The following SCHIP1 variants were observed in gnomAD, a reference collection of about 807,000 sequenced individuals.
SCHIP1 encodes the protein schwannomin interacting protein 1, also known as schwannomin-interacting protein 1.
In SCHIP1, 8 loss-of-function variants were observed where a neutral mutation model predicts 29.7. The observed-to-expected ratio is 0.27, with a 90% CI of 0.16 to 0.49. The LOEUF (loss-of-function observed/expected upper bound fraction) is 0.49. SCHIP1 is among the 20% of genes least tolerant of loss of function. The probability of loss-of-function intolerance (pLI) is 0.99; values close to 1 mark genes in which losing one functional copy is unlikely to be tolerated. For missense variants in SCHIP1, 193 were observed against 294.6 expected (o/e 0.66, Z 2.52); for synonymous variants, 76 against 94.9 (o/e 0.80, Z 1.16).
At chr3:159,274,981 T>G in the SCHIP1 span, 1 of 983,298 alleles carries the variant, frequency 1.0e-6, no homozygotes, top group Admixed American at 6.2e-5. Flanking sequence ...ATGGATAATT[T>G]CCAAGTGAAT....
At chr3:159,887,864 G>A (rs1198757054) in exon 4 of SCHIP1, 1 of 1,614,026 alleles carries the variant, frequency 6.2e-7, no homozygotes, top group Admixed American at 1.7e-5. Flanking sequence ...GCAAGTAGAA[G>A]TGGAGAAACA....
chr3:159,746,994 C>A, the SCHIP1 span, among the ~76,000 whole-genome samples: 1 of 152,170 alleles, frequency 6.6e-6, no homozygotes, highest in Non-Finnish European at 1.5e-5. Flanking sequence ...CTATGCCCAC[C>A]CTAATACTTT....
chr3:159,709,806 G>C, the SCHIP1 span, among the ~76,000 whole-genome samples: 2 of 152,154 alleles, frequency 1.3e-5, no homozygotes, highest in Non-Finnish European at 2.9e-5. Context: ...AATAGAGCAG[G>C]GGAAGTGAAG....
chr3:159,615,660 C>T, the SCHIP1 span, among the ~76,000 whole-genome samples: 3 of 152,096 alleles, frequency 2.0e-5, no homozygotes, highest in Non-Finnish European at 4.4e-5. Flanking sequence ...ATGACCTTGG[C>T]AGATGGTGTG....
At chr3:159,700,441 T>C in the SCHIP1 span, among the ~76,000 whole-genome samples, 1 of 152,240 alleles carries the variant, frequency 6.6e-6, no homozygotes, top group Non-Finnish European at 1.5e-5. Flanking sequence ...CTTCTAGTAA[T>C]TTCTCCTAAG....
the SCHIP1 span, among the ~76,000 whole-genome samples, chr3:159,626,342 A>C: frequency 1.7e-4 from 25 of 151,240 alleles, no homozygotes; most frequent in Admixed American, 1.6e-3. Flanking sequence ...AAAGGAAGCA[A>C]GTTATTTACT....
At chr3:159,382,310 A>G in the SCHIP1 span, among the ~76,000 whole-genome samples, 2 of 139,626 alleles carry the variant, frequency 1.4e-5, no homozygotes, top group African/African-American at 5.4e-5. Flanking sequence ...TCATGTGTCC[A>G]TGTGTTCTCA....
the SCHIP1 span, among the ~76,000 whole-genome samples, chr3:159,466,939 T>C: frequency 6.6e-6 from 1 of 151,444 alleles, no homozygotes; most frequent in East Asian, 1.9e-4. Context: ...TTTGTTTTAG[T>C]CCCCCCAAAT....
At chr3:159,589,325 T>C in the SCHIP1 span, among the ~76,000 whole-genome samples, 2 of 152,230 alleles carry the variant, frequency 1.3e-5, no homozygotes, top group African/African-American at 4.8e-5. Flanking sequence ...TCCTGAGACT[T>C]TGCTGAAGTT....
the SCHIP1 span, among the ~76,000 whole-genome samples, chr3:159,624,904 C>T: frequency 6.6e-6 from 1 of 152,096 alleles, no homozygotes; most frequent in African/African-American, 2.4e-5. Flanking sequence ...CCCTTGTGTG[C>T]AAGGTTTATA....
the SCHIP1 span, among the ~76,000 whole-genome samples, chr3:159,529,085 A>G: frequency 2.6e-3 from 402 of 152,294 alleles, 3 homozygotes; most frequent in African/African-American, 9.0e-3. Context: ...TAATGTATAT[A>G]ATAACCATAT....
the SCHIP1 span, among the ~76,000 whole-genome samples, chr3:159,322,650 G>A: frequency 6.6e-6 from 1 of 152,324 alleles, no homozygotes; most frequent in East Asian, 1.9e-4. Flanking sequence ...TCTGGAGTGT[G>A]AGGTGGGGTG....
At chr3:159,415,423 C>T in the SCHIP1 span, among the ~76,000 whole-genome samples, 10 of 152,126 alleles carry the variant, frequency 6.6e-5, no homozygotes, top group African/African-American at 2.2e-4. Context: ...ACCCAACAGT[C>T]ATCTTTCTAC....
chr3:159,622,659 C>T, the SCHIP1 span, among the ~76,000 whole-genome samples: 1 of 152,058 alleles, frequency 6.6e-6, no homozygotes, highest in Admixed American at 6.6e-5. Context: ...TGGCTCACAC[C>T]TGTAATCCCA....
At chr3:159,463,606 C>T in the SCHIP1 span, among the ~76,000 whole-genome samples, 4 of 152,164 alleles carry the variant, frequency 2.6e-5, no homozygotes, top group East Asian at 5.8e-4. Context: ...ACTGAAGTAT[C>T]ATTTTTCCAA....
chr3:159,571,680 G>A, the SCHIP1 span, among the ~76,000 whole-genome samples: 4 of 152,276 alleles, frequency 2.6e-5, no homozygotes, highest in East Asian at 5.8e-4. Flanking sequence ...TCTATTGATT[G>A]GAATAGTTTC....
chr3:159,652,006 G>A, the SCHIP1 span, among the ~76,000 whole-genome samples: 2 of 151,916 alleles, frequency 1.3e-5, no homozygotes, highest in Non-Finnish European at 2.9e-5. Context: ...TGAGGCGGGA[G>A]AATCATTTGA....
the SCHIP1 span, among the ~76,000 whole-genome samples, chr3:159,363,713 G>A: frequency 6.6e-6 from 1 of 152,126 alleles, no homozygotes; most frequent in Non-Finnish European, 1.5e-5. Flanking sequence ...GATCCCTAAC[G>A]TTTAGTCAGG....
At chr3:159,796,269 G>T in the SCHIP1 span, among the ~76,000 whole-genome samples, 1 of 152,112 alleles carries the variant, frequency 6.6e-6, no homozygotes, top group Non-Finnish European at 1.5e-5. Flanking sequence ...ACTAAGACAA[G>T]TTGGGGGCAG....
Sources: allele counts gnomAD v4.1 joint callset (sites outside exome capture counted in the v4.1 genomes callset), GRCh38; gene constraint gnomAD v4.1.1; transcripts MANE v1.5; gene names NCBI Gene and HGNC (gene_info 2026-07-23, HGNC 2026-07-21).